The following DCC variants were observed in gnomAD, a reference collection of about 807,000 sequenced individuals.
DCC encodes the protein netrin receptor DCC.
DCC carries 58 observed loss-of-function variants against 172.5 expected under a neutral mutation model. That is an observed-to-expected ratio of 0.34 (90% confidence interval 0.27 to 0.42). The LOEUF is 0.42. Among genes scored for constraint, DCC ranks in the 10% least tolerant of loss-of-function variants. The pLI, the probability that DCC is intolerant of heterozygous loss-of-function variation, is 1.00. For synonymous variants in DCC, 709 were observed against 644.5 expected (o/e 1.10, Z -1.52); for missense variants, 1,740 against 1,791.0 (o/e 0.97, Z 0.51).
At chr18:53,004,709 TTTG>T (rs1475485895) in intron 5 of DCC, among the ~76,000 whole-genome samples, 1 of 152,124 alleles carries the variant, frequency 6.6e-6, no homozygotes, top group Non-Finnish European at 1.5e-5. Context: ...TGTTTGTTTG[TTTG>T]TTTTTTCTTG....
chr18:52,400,063 G>A (rs560620229), intron 1 of DCC, among the ~76,000 whole-genome samples: 1 of 151,994 alleles, frequency 6.6e-6, no homozygotes, highest in African/African-American at 2.4e-5. Context: ...TTCATGTTGT[G>A]AATAGAAATA....
At chr18:52,765,018 CTTTTCTTTT>C (rs1350169594) in intron 2 of DCC, among the ~76,000 whole-genome samples, 4 of 147,770 alleles carry the variant, frequency 2.7e-5, no homozygotes, top group African/African-American at 1.0e-4. Flanking sequence ...GCCTCATTTT[CTTTTCTTTT>C]TTTTCTTTTT....
chr18:53,463,628 A>G (rs1181326946), intron 24 of DCC, among the ~76,000 whole-genome samples: 1 of 152,202 alleles, frequency 6.6e-6, no homozygotes, highest in Non-Finnish European at 1.5e-5. Flanking sequence ...TTTGAGGTAG[A>G]TGCTATCATT....
chr18:52,981,046 A>C (rs1214395755), intron 5 of DCC, among the ~76,000 whole-genome samples: 1 of 152,072 alleles, frequency 6.6e-6, no homozygotes, highest in Non-Finnish European at 1.5e-5. Context: ...TAAGAAAAGA[A>C]ATTCCCAGAC....
intron 24 of DCC, among the ~76,000 whole-genome samples, chr18:53,465,631 C>A (rs1207007184): frequency 6.6e-6 from 1 of 152,000 alleles, no homozygotes; most frequent in Non-Finnish European, 1.5e-5. Flanking sequence ...TGTCTTTTGC[C>A]AAATTTTGGA....
In DCC at chr18:52,723,022, C is replaced by T. The variant is rs867700111; in HGVS notation, c.92-29032C>T. Among the ~76,000 whole-genome samples, 9 of 152,178 alleles carry T rather than the reference C, an allele frequency of 5.9e-5. No individual in the cohort carries two copies. In the South Asian group the frequency reaches 1.0e-3, roughly 18 times the overall value. On this transcript the variant is annotated intron_variant, in intron 1 of 28. Coordinates refer to ENST00000442544, the MANE Select transcript of DCC (RefSeq NM_005215.4). ...AATGTTTTCTTCCAGAATTTGAGAG[C>T]ATAGCTCTATTGTCCTCTAGCTTCC...
chr18:53,365,223 G>T lies in DCC; in HGVS notation c.2360-20820G>T, dbSNP rs148348465. ...AGTTTACTGAGAATGATGGTTTCCA[G>T]CCTCATCCATGTCCCTACGAAGGAC... On this transcript the variant is annotated intron_variant, in intron 15 of 28. Transcript: ENST00000442544. Among the ~76,000 whole-genome samples the T allele has an allele frequency of 1.5e-3, 230 of 151,388 alleles. 5 individuals are homozygous for T. In the East Asian group the frequency reaches 0.034, roughly 22 times the overall value.
intron 23 of DCC, among the ~76,000 whole-genome samples, chr18:53,455,179 G>C (rs890656924): frequency 6.6e-6 from 1 of 152,156 alleles, no homozygotes; most frequent in Non-Finnish European, 1.5e-5. Context: ...GGGTCAGAAT[G>C]TTCCTGCCTC....
At chr18:53,055,054 T>G (rs1247812493) in intron 5 of DCC, among the ~76,000 whole-genome samples, 4 of 152,116 alleles carry the variant, frequency 2.6e-5, no homozygotes, top group Admixed American at 1.3e-4. Context: ...AGCCAGAAGA[T>G]GACTGATTGC....
In DCC at chr18:53,032,140, T is replaced by G. The variant is rs1273150998; in HGVS notation, c.986-31165T>G. On this transcript the variant is annotated intron_variant, in intron 5 of 28. Coordinates refer to ENST00000442544, the MANE Select transcript of DCC (RefSeq NM_005215.4). ...AATACAGAACATACTTTCATCTTTT[T>G]GAATCAGTTTATTTTTTCCTGCCAT... 2.0e-5 allele frequency among the ~76,000 whole-genome samples: 3 copies of G among 152,258 alleles called. No homozygotes were observed. In the East Asian group the frequency reaches 5.8e-4, roughly 29 times the overall value.
intron 1 of DCC, among the ~76,000 whole-genome samples, chr18:52,554,768 GCTCA>G (rs2032867418): frequency 6.6e-6 from 1 of 152,014 alleles, no homozygotes; most frequent in South Asian, 2.1e-4. Flanking sequence ...AAATTCACAG[GCTCA>G]CTATCAGGAT....
At chr18:53,092,725 A>C (rs1434837646) in intron 7 of DCC, among the ~76,000 whole-genome samples, 1 of 152,118 alleles carries the variant, frequency 6.6e-6, no homozygotes, top group African/African-American at 2.4e-5. Flanking sequence ...TATTTTGCTT[A>C]TAGTCATCAG....
intron 1 of DCC, among the ~76,000 whole-genome samples, chr18:52,378,630 T>C (rs1025107074): frequency 6.6e-6 from 1 of 152,106 alleles, no homozygotes; most frequent in Non-Finnish European, 1.5e-5. Flanking sequence ...CACTGCAACC[T>C]CTACTTCCCG....
At chr18:52,610,720 A>G (rs1472444157) in intron 1 of DCC, among the ~76,000 whole-genome samples, 2 of 152,122 alleles carry the variant, frequency 1.3e-5, no homozygotes, top group Non-Finnish European at 2.9e-5. Context: ...AAGCATCTAG[A>G]CAATATGTAA....
chr18:53,498,272 CTAATTATCTTGAAA>C (rs2046050046), intron 26 of DCC, among the ~76,000 whole-genome samples: 1 of 152,202 alleles, frequency 6.6e-6, no homozygotes, highest in South Asian at 2.1e-4. Context: ...AATTATCTCA[CTAATTATCTTGAAA>C]TATTTCCTGG....
chr18:53,014,868 T>A (rs2041786074), intron 5 of DCC, among the ~76,000 whole-genome samples: 1 of 152,122 alleles, frequency 6.6e-6, no homozygotes, highest in African/African-American at 2.4e-5. Context: ...TATGATGATA[T>A]CTGTGTGATG....
At chr18:53,429,774 A>G (rs763157246) in intron 21 of DCC, among the ~76,000 whole-genome samples, 27 of 152,148 alleles carry the variant, frequency 1.8e-4, no homozygotes, top group Non-Finnish European at 3.5e-4. Context: ...CCAGGGCTCA[A>G]TATTGGACAG....
intron 27 of DCC, among the ~76,000 whole-genome samples, chr18:53,525,377 G>A (rs1053668792): frequency 2.6e-5 from 4 of 152,000 alleles, no homozygotes; most frequent in East Asian, 1.9e-4. Flanking sequence ...GAGGTACCAC[G>A]AACAGAATAT....
intron 1 of DCC, among the ~76,000 whole-genome samples, chr18:52,417,785 C>G (rs1001021657): frequency 6.6e-6 from 1 of 152,122 alleles, no homozygotes; most frequent in Admixed American, 6.6e-5. Flanking sequence ...AAATTTTTTT[C>G]AAAGTTTTTA....
Sources: allele counts gnomAD v4.1 joint callset (sites outside exome capture counted in the v4.1 genomes callset), GRCh38; gene constraint gnomAD v4.1.1; transcripts MANE v1.5; gene names NCBI Gene and HGNC (gene_info 2026-07-23, HGNC 2026-07-21).